TANC2: variants seen among roughly 807,000 people sequenced by gnomAD.
TANC2 encodes the protein protein TANC2.
TANC2 carries 26 observed loss-of-function variants against 210.5 expected under a neutral mutation model. The ratio of observed to expected loss-of-function variants is 0.12; its 90% CI spans 0.09 to 0.17. TANC2 has a LOEUF of 0.17. Ranked by LOEUF, TANC2 falls within the 10% of genes least tolerant of loss-of-function variation. The probability of loss-of-function intolerance (pLI) is 1.00; values close to 1 mark genes in which losing one functional copy is unlikely to be tolerated. For synonymous variants in TANC2, 931 were observed against 967.1 expected (o/e 0.96, Z 0.69); for missense variants, 2,129 against 2,608.9 (o/e 0.82, Z 4.01).
At chr17:63,098,471 CACACACACA>C (rs1567720963) in intron 3 of TANC2, among the ~76,000 whole-genome samples, 8 of 37,634 alleles carry the variant, frequency 2.1e-4, no homozygotes, top group African/African-American at 1.3e-3. Context: ...CACACACACA[CACACACACA>C]TACACTCTCT....
intron 2 of TANC2, among the ~76,000 whole-genome samples, chr17:63,017,563 T>C (rs1462208131): frequency 6.6e-6 from 1 of 152,156 alleles, no homozygotes; most frequent in Non-Finnish European, 1.5e-5. Flanking sequence ...TCGAAATGGT[T>C]CCCCTTAAGC....
At chr17:63,119,480 A>G (rs989010204) in intron 4 of TANC2, among the ~76,000 whole-genome samples, 1 of 152,254 alleles carries the variant, frequency 6.6e-6, no homozygotes, top group Non-Finnish European at 1.5e-5. Flanking sequence ...CATTTGTATT[A>G]ACAGTTATAT....
chr17:63,225,371 G>A (rs1027895889), intron 7 of TANC2, among the ~76,000 whole-genome samples: 3 of 152,100 alleles, frequency 2.0e-5, no homozygotes, highest in Non-Finnish European at 2.9e-5. Context: ...GTGTTTCAAC[G>A]GGTGTCATTT....
intron 7 of TANC2, among the ~76,000 whole-genome samples, chr17:63,229,561 T>G (rs903622457): frequency 1.3e-4 from 19 of 151,736 alleles, no homozygotes; most frequent in African/African-American, 3.6e-4. Flanking sequence ...CTGGGTTTTT[T>G]TTTTTTTTTT....
Position 63,287,370 on chromosome 17 carries a change from A to G in TANC2, c.1159+19497A>G, listed in dbSNP as rs1023229154. Reference sequence around the variant, plus strand: ...CTCTACTAATTCTAACATCTGTCTTATTTGTCAGTTTCAATTGATTGATTT... The same window carrying G: ...CTCTACTAATTCTAACATCTGTCTTGTTTGTCAGTTTCAATTGATTGATTT... On this transcript the variant is annotated intron_variant, in intron 9 of 27. Transcript: ENST00000689528. 2.4e-4 allele frequency among the ~76,000 whole-genome samples: 37 copies of G among 152,042 alleles called. 1 individual carries two copies. Among genetic ancestry groups the G allele is most frequent in the Admixed American group, 2.4e-3 (36 of 15,290 alleles).
At chr17:63,138,022 C>T (rs2039151490) in intron 4 of TANC2, among the ~76,000 whole-genome samples, 1 of 152,138 alleles carries the variant, frequency 6.6e-6, no homozygotes. Context: ...CATATTCCAG[C>T]TTTCCTTGCA....
At chr17:63,250,434 A>G (rs980656601) in intron 8 of TANC2, among the ~76,000 whole-genome samples, 6 of 152,042 alleles carry the variant, frequency 3.9e-5, no homozygotes, top group Non-Finnish European at 8.8e-5. Context: ...GAACTATCTC[A>G]AAAATTTTTG....
At chr17:62,969,722 CA>C (rs1339192921) in intron 1 of TANC2, among the ~76,000 whole-genome samples, 1 of 151,630 alleles carries the variant, frequency 6.6e-6, no homozygotes, top group African/African-American at 2.4e-5. Context: ...TATATAAATA[CA>C]CATTCATACA....
chr17:63,086,697 C>G (rs1213193094), intron 3 of TANC2, among the ~76,000 whole-genome samples: 1 of 152,126 alleles, frequency 6.6e-6, no homozygotes, highest in Non-Finnish European at 1.5e-5. Flanking sequence ...AGAGGTGAAG[C>G]CAGCTGGACT....
At chr17:63,061,176 G>T (rs1415950079) in intron 2 of TANC2, among the ~76,000 whole-genome samples, 3 of 152,164 alleles carry the variant, frequency 2.0e-5, no homozygotes, top group Non-Finnish European at 4.4e-5. Flanking sequence ...AGACCAGCCT[G>T]ACCAACATGG....
chr17:63,319,632 T>C (rs1453089386), intron 11 of TANC2, among the ~76,000 whole-genome samples: 1 of 152,250 alleles, frequency 6.6e-6, no homozygotes, highest in African/African-American at 2.4e-5. Flanking sequence ...ATTACAGGCG[T>C]GAGCCACTGC....
intron 25 of TANC2, among the ~76,000 whole-genome samples, chr17:63,414,890 T>C (rs2048812827): frequency 6.6e-6 from 1 of 152,238 alleles, no homozygotes; most frequent in Admixed American, 6.5e-5. Context: ...TACTTCCTCT[T>C]GGATAATCCC....
At chr17:63,116,279 G>T (rs2038247514) in intron 4 of TANC2, among the ~76,000 whole-genome samples, 1 of 152,194 alleles carries the variant, frequency 6.6e-6, no homozygotes, top group Non-Finnish European at 1.5e-5. Context: ...TCATCTCAGA[G>T]CAACATCCAG....
chr17:63,091,263 T>C (rs1241083615), intron 3 of TANC2, among the ~76,000 whole-genome samples: 2 of 152,208 alleles, frequency 1.3e-5, no homozygotes, highest in Admixed American at 6.5e-5. Context: ...GCTTTTGGTG[T>C]TTTAGACATG....
intron 14 of TANC2, among the ~76,000 whole-genome samples, chr17:63,358,997 T>C (rs566035214): frequency 3.3e-5 from 5 of 151,882 alleles, no homozygotes; most frequent in African/African-American, 1.2e-4. Context: ...TGTGTGTGTG[T>C]GTGTGTGTGT....
chr17:63,136,657 A>G (rs924150193), intron 4 of TANC2, among the ~76,000 whole-genome samples: 9 of 152,206 alleles, frequency 5.9e-5, no homozygotes, highest in Admixed American at 1.3e-4. Context: ...TAAAATAACA[A>G]TGAGAGGCTT....
At chr17:63,328,671 G>T (rs561870681) in intron 11 of TANC2, among the ~76,000 whole-genome samples, 8 of 150,550 alleles carry the variant, frequency 5.3e-5, no homozygotes, top group South Asian at 2.1e-4. Context: ...GTTGATCACA[G>T]GTGATCAACA....
At chr17:63,246,368 A>G (rs1487957269) in intron 8 of TANC2, among the ~76,000 whole-genome samples, 2 of 152,032 alleles carry the variant, frequency 1.3e-5, no homozygotes, top group African/African-American at 4.8e-5. Context: ...CAAGTGTACA[A>G]TTCAGTAATG....
chr17:63,229,173 C>CT (rs1409620591), intron 7 of TANC2, among the ~76,000 whole-genome samples: 1 of 152,128 alleles, frequency 6.6e-6, no homozygotes, highest in Admixed American at 6.5e-5. Flanking sequence ...TTTTCTACGT[C>CT]TATTGAAATG....
Sources: gnomAD v4.1 joint callset for allele counts (sites outside exome capture counted in the v4.1 genomes callset) on GRCh38, gnomAD v4.1.1 for gene constraint, MANE v1.5 for transcripts, NCBI Gene and HGNC (gene_info 2026-07-23, HGNC 2026-07-21) for gene names.